The following DNAH14 variants were observed in gnomAD, a reference collection of about 807,000 sequenced individuals.
DNAH14 encodes axonemal beta dynein heavy chain 14.
DNAH14 carries 478 observed loss-of-function variants against 520.9 expected under a neutral mutation model. The observed-to-expected ratio is 0.92, with a 90% confidence interval of 0.85 to 0.99. The LOEUF is 0.99. Ranked by LOEUF, DNAH14 falls within the 50% of genes least tolerant of loss-of-function variation. DNAH14 has a pLI of 0.00. For missense variants in DNAH14, 4,831 were observed against 5,234.5 expected, an observed-to-expected ratio of 0.92 and a Z score of 2.38; for synonymous variants, 1,581 against 1,757.2, an observed-to-expected ratio of 0.90 and a Z score of 2.51.
intron 79 of DNAH14, among the ~76,000 whole-genome samples, chr1:225,379,420 T>C (rs1435314555): frequency 6.6e-6 from 1 of 152,240 alleles, no homozygotes; most frequent in African/African-American, 2.4e-5. Flanking sequence ...TCTGTGAAGA[T>C]ACATTTATCT....
intron 71 of DNAH14, among the ~76,000 whole-genome samples, chr1:225,347,935 A>G (rs1258781421): frequency 6.6e-6 from 1 of 152,210 alleles, no homozygotes; most frequent in Non-Finnish European, 1.5e-5. Flanking sequence ...AAGTTGCTCA[A>G]TGAGCTAAAA....
chr1:225,111,218 GA>G (rs1181062434), intron 23 of DNAH14, among the ~76,000 whole-genome samples: 1 of 152,044 alleles, frequency 6.6e-6, no homozygotes, highest in African/African-American at 2.4e-5. Context: ...GTGGAGTATT[GA>G]AGTCTCCAAC....
At chr1:225,216,620 C>G (rs1212275303) in intron 41 of DNAH14, among the ~76,000 whole-genome samples, 2 of 151,736 alleles carry the variant, frequency 1.3e-5, no homozygotes, top group East Asian at 3.9e-4. Context: ...CTCTAAACTT[C>G]TCTTCTCACT....
intron 11 of DNAH14, among the ~76,000 whole-genome samples, chr1:225,029,765 CAAG>C (rs907486194): frequency 9.2e-5 from 14 of 151,934 alleles, no homozygotes; most frequent in African/African-American, 3.1e-4. Context: ...CCCTACAGAA[CAAG>C]AAGCATATTT....
At chr1:225,241,307 T>G in intron 43 of DNAH14, among the ~76,000 whole-genome samples, 1 of 152,210 alleles carries the variant, frequency 6.6e-6, no homozygotes, top group African/African-American at 2.4e-5. Flanking sequence ...TAGCTGTTGT[T>G]GACTAAAAGA....
At chr1:225,334,861 T>G (rs1036440823) in intron 66 of DNAH14, among the ~76,000 whole-genome samples, 1 of 146,794 alleles carries the variant, frequency 6.8e-6, no homozygotes, top group Admixed American at 6.9e-5. Context: ...AAGCCAAGTC[T>G]CTGTCTCTCT....
chr1:225,046,475 G>A lies in DNAH14; in HGVS notation c.1912+2492G>A, dbSNP rs553329985. Among the ~76,000 whole-genome samples, 37 of 152,098 alleles carry A rather than the reference G, an allele frequency of 2.4e-4. No individual in the cohort carries two copies. The South Asian group carries it at 2.5e-3, about 10-fold the overall frequency. ...TTGTTCACTCTGAGATTTATCTGGC[G>A]TATGTTGTGAAGTAGGACTTCACTT... is the stretch of plus-strand genomic sequence containing the variant. On this transcript the variant is annotated intron_variant, in intron 15 of 85. Transcript: ENST00000682510.
chr1:225,021,724 G>A (rs2065711164), intron 10 of DNAH14, among the ~76,000 whole-genome samples: 1 of 152,086 alleles, frequency 6.6e-6, no homozygotes, highest in African/African-American at 2.4e-5. Flanking sequence ...GCAGTTTACA[G>A]ACTTGATGCT....
At chr1:225,342,489 G>A (rs915166407) in intron 69 of DNAH14, among the ~76,000 whole-genome samples, 8 of 152,044 alleles carry the variant, frequency 5.3e-5, no homozygotes, top group East Asian at 3.9e-4. Flanking sequence ...TAAAGTAAAG[G>A]TTGAATTCTT....
chr1:225,386,947 T>C (rs1192023236), intron 81 of DNAH14, among the ~76,000 whole-genome samples: 2 of 152,362 alleles, frequency 1.3e-5, no homozygotes, highest in African/African-American at 2.4e-5. Context: ...CGTATGTTTA[T>C]TGCGGCACTA....
intron 49 of DNAH14, among the ~76,000 whole-genome samples, chr1:225,269,136 G>C (rs2093227179): frequency 6.6e-6 from 1 of 152,128 alleles, no homozygotes; most frequent in Non-Finnish European, 1.5e-5. Flanking sequence ...CAGAGATATA[G>C]ACCAATGGAA....
At chr1:225,018,517 A>G (rs2065396146) in intron 10 of DNAH14, among the ~76,000 whole-genome samples, 1 of 152,166 alleles carries the variant, frequency 6.6e-6, no homozygotes, top group Admixed American at 6.5e-5. Flanking sequence ...AGAGAGGTCA[A>G]CTTGCAAATT....
Position 225,104,393 on chromosome 1 carries a change from G to C in DNAH14, c.3867+3509G>C, listed in dbSNP as rs552138503. Among the ~76,000 whole-genome samples the C allele has an allele frequency of 2.6e-5, 4 of 152,260 alleles. No individual in the cohort carries two copies. In the East Asian group the frequency reaches 5.8e-4, roughly 22 times the overall value. ...AGGCTTTAGTATCAGGATGATACTG[G>C]CTTCATAAAATGAGTTAGGGAGGAT... On this transcript the variant is annotated intron_variant, in intron 23 of 85. Transcript: ENST00000682510.
intron 1 of DNAH14, among the ~76,000 whole-genome samples, chr1:224,944,101 A>G (rs1416996422): frequency 6.6e-6 from 1 of 152,134 alleles, no homozygotes; most frequent in Non-Finnish European, 1.5e-5. Context: ...GGGGTGTTAA[A>G]GTCTCCCATT....
chr1:225,349,751 T>C (rs988277857), intron 71 of DNAH14, among the ~76,000 whole-genome samples: 1 of 152,128 alleles, frequency 6.6e-6, no homozygotes, highest in Non-Finnish European at 1.5e-5. Context: ...AGAAGATATG[T>C]AGTAATAAAT....
chr1:225,119,665 C>A (rs183382683), intron 26 of DNAH14, among the ~76,000 whole-genome samples: 26 of 152,230 alleles, frequency 1.7e-4, no homozygotes, highest in African/African-American at 6.0e-4. Context: ...TCTACTTTTA[C>A]TTCCTAGGAT....
At position 225,269,425 on chromosome 1, in the gene DNAH14, A is replaced by G. The variant is rs531841472; in HGVS notation, c.7540-1310A>G. The stretch of plus-strand genomic sequence containing the variant: ...ATTCAGGACATAGGCATGGCCAAGG[A>G]CTTCATGTCTAAAACACCAAAAGCA... On this transcript the variant is annotated intron_variant, in intron 49 of 85. Coordinates refer to ENST00000682510, the MANE Select transcript of DNAH14 (RefSeq NM_001367479.1). Among the ~76,000 whole-genome samples, 325 of 152,340 alleles carry G rather than the reference A, an allele frequency of 2.1e-3. 2 individuals are homozygous for G. The highest frequency in any genetic ancestry group is 7.5e-3 in the African/African-American group (313 of 41,572).
chr1:225,087,035 C>CACACACACACACACACAG (rs1491096002), intron 21 of DNAH14, among the ~76,000 whole-genome samples: 2 of 150,228 alleles, frequency 1.3e-5, no homozygotes, highest in African/African-American at 2.5e-5. Flanking sequence ...CACACACACA[C>CACACACACACACACACAG]AGCCTTCTAC....
intron 42 of DNAH14, among the ~76,000 whole-genome samples, chr1:225,238,477 C>T (rs1333383192): frequency 6.6e-6 from 1 of 152,132 alleles, no homozygotes. Context: ...AAGATGGTAG[C>T]CTACTCCTTC....
Sources: gnomAD v4.1 joint callset for allele counts (sites outside exome capture counted in the v4.1 genomes callset) on GRCh38, gnomAD v4.1.1 for gene constraint, MANE v1.5 for transcripts, NCBI Gene and HGNC (gene_info 2026-07-23, HGNC 2026-07-21) for gene names.